The following RABGAP1L variants were observed in gnomAD, a reference collection of about 807,000 sequenced individuals.
The protein encoded by RABGAP1L is rab GTPase-activating protein 1-like.
Under a neutral mutation model 137.7 loss-of-function variants are expected in RABGAP1L, and 63 were observed. The ratio of observed to expected loss-of-function variants is 0.46; its 90% CI spans 0.37 to 0.56. RABGAP1L has a LOEUF of 0.56. Ranked by LOEUF, RABGAP1L falls within the 20% of genes least tolerant of loss-of-function variation. The probability of loss-of-function intolerance (pLI) is 0.00; values close to 1 mark genes in which losing one functional copy is unlikely to be tolerated. For missense variants in RABGAP1L, 1,095 were observed against 1,244.0 expected (o/e 0.88, Z 1.80); for synonymous variants, 431 against 433.7 (o/e 0.99, Z 0.08).
At chr1:174,740,817 T>G (rs1341937163) in intron 17 of RABGAP1L, among the ~76,000 whole-genome samples, 1 of 152,106 alleles carries the variant, frequency 6.6e-6, no homozygotes, top group Non-Finnish European at 1.5e-5. Context: ...CTCTGATGAT[T>G]CATGAGGTTG....
chr1:174,540,918 A>G (rs896193331), intron 13 of RABGAP1L, among the ~76,000 whole-genome samples: 1 of 152,180 alleles, frequency 6.6e-6, no homozygotes, highest in Non-Finnish European at 1.5e-5. Flanking sequence ...GATTATTCCT[A>G]TCCACGAGCA....
intron 15 of RABGAP1L, among the ~76,000 whole-genome samples, chr1:174,697,669 G>C (rs1679367589): frequency 6.6e-6 from 1 of 152,168 alleles, no homozygotes; most frequent in Non-Finnish European, 1.5e-5. Flanking sequence ...TTTGAGTAGA[G>C]ATCTGAGAGG....
intron 14 of RABGAP1L, among the ~76,000 whole-genome samples, chr1:174,653,522 G>T (rs1675721077): frequency 1.3e-5 from 2 of 152,150 alleles, no homozygotes; most frequent in Non-Finnish European, 2.9e-5. Context: ...CCCTTGGCTA[G>T]GGGAGGGAGT....
At chr1:174,440,219 A>G (rs1040209393) in intron 13 of RABGAP1L, among the ~76,000 whole-genome samples, 5 of 152,190 alleles carry the variant, frequency 3.3e-5, no homozygotes, top group Non-Finnish European at 5.9e-5. Context: ...CATAGAGACC[A>G]GTTTTTGTAG....
Position 174,845,239 on chromosome 1 carries a change from C to A in RABGAP1L, c.2340+33279C>A, listed in dbSNP as rs772805418. On this transcript the variant is annotated intron_variant, in intron 19 of 25. Coordinates refer to ENST00000681986, the MANE Select transcript of RABGAP1L (RefSeq NM_001366446.1). ...TATTTCCTTCTCCTGCCTGATTGCC[C>A]TGGCCAGAACTTCCAACACTATGTT... 5.1e-3 allele frequency among the ~76,000 whole-genome samples: 483 copies of A among 94,414 alleles called. 17 individuals carry two copies. Among genetic ancestry groups the A allele is most frequent in the Non-Finnish European group, 8.6e-3 (346 of 40,026 alleles). 61.9% of individuals were successfully genotyped at this position (94,414 alleles called of 152,430 possible). A position where few individuals can be genotyped will look rare whatever the true frequency, so the allele number is the denominator to read the frequency against.
At chr1:174,347,498 T>G (rs1682551724) in intron 11 of RABGAP1L, among the ~76,000 whole-genome samples, 1 of 148,654 alleles carries the variant, frequency 6.7e-6, no homozygotes, top group African/African-American at 2.5e-5. Context: ...TGTGTGTGTG[T>G]GTTTTTTTCT....
intron 13 of RABGAP1L, among the ~76,000 whole-genome samples, chr1:174,451,453 G>A (rs1230023662): frequency 1.3e-5 from 2 of 152,080 alleles, no homozygotes; most frequent in Non-Finnish European, 2.9e-5. Flanking sequence ...TTTTACATGT[G>A]TTATACCTTA....
intron 13 of RABGAP1L, among the ~76,000 whole-genome samples, chr1:174,421,424 C>A (rs578141447): frequency 7.2e-5 from 11 of 152,270 alleles, no homozygotes; most frequent in African/African-American, 1.9e-4. Context: ...AAAAATGTTT[C>A]AGTGACATAT....
At chr1:174,688,748 A>G (rs1678656173) in intron 15 of RABGAP1L, among the ~76,000 whole-genome samples, 1 of 152,146 alleles carries the variant, frequency 6.6e-6, no homozygotes, top group South Asian at 2.1e-4. Context: ...AATGCCATAC[A>G]GCAATGGAAA....
At chr1:174,982,946 G>A in intron 24 of RABGAP1L, 41 bp downstream of exon 24, 1 of 1,541,988 alleles carries the variant, frequency 6.5e-7, no homozygotes, top group Non-Finnish European at 8.8e-7. Flanking sequence ...TTATTTCAAA[G>A]TCACACAGGC....
chr1:174,740,040 T>A (rs114317917), intron 17 of RABGAP1L, among the ~76,000 whole-genome samples: 36 of 152,270 alleles, frequency 2.4e-4, no homozygotes, highest in African/African-American at 7.9e-4. Context: ...CACTCTGTAT[T>A]TTTATGTGTA....
intron 13 of RABGAP1L, among the ~76,000 whole-genome samples, chr1:174,473,757 T>C (rs531400127): frequency 6.6e-6 from 1 of 152,350 alleles, no homozygotes; most frequent in Admixed American, 6.5e-5. Flanking sequence ...GCTGAGCTGC[T>C]GAGCAGGTTG....
chr1:174,925,040 CTAGA>C (rs1662477935), intron 19 of RABGAP1L, among the ~76,000 whole-genome samples: 2 of 152,018 alleles, frequency 1.3e-5, no homozygotes, highest in South Asian at 2.1e-4. Context: ...ATCCACATGG[CTAGA>C]TAGAGGGAAG....
intron 7 of RABGAP1L, among the ~76,000 whole-genome samples, chr1:174,255,092 T>C (rs1673006927): frequency 6.6e-6 from 1 of 150,660 alleles, no homozygotes; most frequent in Admixed American, 6.5e-5. Flanking sequence ...TGACCAGTGA[T>C]GATGAGCTTT....
At chr1:174,249,701 G>A (rs189323040) in intron 5 of RABGAP1L, among the ~76,000 whole-genome samples, 9 of 149,654 alleles carry the variant, frequency 6.0e-5, no homozygotes, top group Non-Finnish European at 1.2e-4. Flanking sequence ...GCTGGAGTGC[G>A]GTGGTGCAAT....
chr1:174,629,575 C>T (rs1373851442), intron 13 of RABGAP1L, among the ~76,000 whole-genome samples: 1 of 152,058 alleles, frequency 6.6e-6, no homozygotes, highest in Non-Finnish European at 1.5e-5. Flanking sequence ...CGCTCTGTCG[C>T]CCAGTGGCAC....
In RABGAP1L at chr1:174,700,105, T is replaced by A. The variant is rs191087071; in HGVS notation, c.2025+455T>A. 4.8e-4 allele frequency among the ~76,000 whole-genome samples: 73 copies of A among 152,348 alleles called. 1 individual carries two copies. In the South Asian group the frequency reaches 7.9e-3, roughly 16 times the overall value. The stretch of plus-strand genomic sequence containing the variant: ...AATACTGTAGGGATACATTTAAAAA[T>A]TTTTAAATATAATTCCTAATCTCAA... On this transcript the variant is annotated intron_variant, in intron 16 of 25. Coordinates refer to ENST00000681986, the MANE Select transcript of RABGAP1L (RefSeq NM_001366446.1).
chr1:174,952,678 C>T (rs1354093683), intron 19 of RABGAP1L, among the ~76,000 whole-genome samples: 1 of 152,094 alleles, frequency 6.6e-6, no homozygotes, highest in Non-Finnish European at 1.5e-5. Context: ...GCAACCCAGC[C>T]TCCCAGGCTC....
chr1:174,288,553 A>G (rs534020261), intron 10 of RABGAP1L, among the ~76,000 whole-genome samples: 67 of 152,286 alleles, frequency 4.4e-4, no homozygotes, highest in African/African-American at 1.6e-3. Flanking sequence ...CCTGCAAGGT[A>G]TCTGCTGAGG....
Sources: allele counts gnomAD v4.1 joint callset (sites outside exome capture counted in the v4.1 genomes callset), GRCh38; gene constraint gnomAD v4.1.1; transcripts MANE v1.5; gene names NCBI Gene and HGNC (gene_info 2026-07-23, HGNC 2026-07-21).